Variants in WWTR1 observed in about 807,000 individuals in gnomAD.
WWTR1 encodes the protein WW domain containing transcription regulator 1.
A neutral mutation model predicts 40.1 loss-of-function variants in WWTR1; 13 were observed. The ratio of observed to expected loss-of-function variants is 0.32; its 90% CI spans 0.21 to 0.52. WWTR1 has a LOEUF of 0.52. WWTR1 is among the 20% of genes least tolerant of loss of function. The pLI is 0.97. For missense variants in WWTR1, 436 were observed against 523.1 expected (o/e 0.83, Z 1.63); for synonymous variants, 230 against 210.1 (o/e 1.09, Z -0.82).
At chr3:149,629,695 CTG>C (rs1183959246) in intron 2 of WWTR1, among the ~76,000 whole-genome samples, 1 of 152,148 alleles carries the variant, frequency 6.6e-6, no homozygotes, top group African/African-American at 2.4e-5. Context: ...TTAAAAATCC[CTG>C]TAAGTTTTAA....
At chr3:149,626,430 A>G (rs1365084344) in intron 2 of WWTR1, among the ~76,000 whole-genome samples, 1 of 152,068 alleles carries the variant, frequency 6.6e-6, no homozygotes, top group African/African-American at 2.4e-5. Flanking sequence ...CAATATATAA[A>G]ACCAAGCTAA....
upstream of WWTR1, among the ~76,000 whole-genome samples, chr3:149,659,132 G>A (rs1347443235): frequency 1.3e-5 from 2 of 152,146 alleles, no homozygotes; most frequent in Non-Finnish European, 2.9e-5. Context: ...CTCCACTGAG[G>A]GGAAAGGGTG....
chr3:149,662,491 C>T (rs1175776926), upstream of WWTR1, among the ~76,000 whole-genome samples: 1 of 152,202 alleles, frequency 6.6e-6, no homozygotes, highest in Non-Finnish European at 1.5e-5. Context: ...TCATCCCTTT[C>T]TCTTCCCTCT....
At chr3:149,592,562 G>A (rs1401710857) in intron 2 of WWTR1, among the ~76,000 whole-genome samples, 2 of 152,130 alleles carry the variant, frequency 1.3e-5, no homozygotes, top group African/African-American at 4.8e-5. Context: ...AGATTAGAGA[G>A]ATTAATCGGC....
At chr3:149,635,376 G>A (rs920314505) in intron 2 of WWTR1, among the ~76,000 whole-genome samples, 3 of 152,214 alleles carry the variant, frequency 2.0e-5, no homozygotes, top group Non-Finnish European at 4.4e-5. Context: ...CTAGGAAAAC[G>A]GGTAAATAAA....
chr3:149,529,396 T>C lies in WWTR1; in HGVS notation c.772-1427A>G, dbSNP rs528032540. ...GAGTTGGTTGCACTGTTACAAACCATGAGAGACCTGATTGATTTAAAAAAA... is the reference window on the plus strand; with the variant it reads ...GAGTTGGTTGCACTGTTACAAACCACGAGAGACCTGATTGATTTAAAAAAA... On this transcript the variant is annotated intron_variant, in intron 4 of 6. Coordinates refer to ENST00000360632, the MANE Select transcript of WWTR1 (RefSeq NM_015472.6). 2.5e-4 allele frequency among the ~76,000 whole-genome samples: 38 copies of C among 152,246 alleles called. No individual in the cohort carries two copies. The South Asian group carries it at 7.9e-3, about 32-fold the overall frequency.
At chr3:149,594,381 G>T (rs540923385) in intron 2 of WWTR1, among the ~76,000 whole-genome samples, 1 of 151,778 alleles carries the variant, frequency 6.6e-6, no homozygotes, top group Non-Finnish European at 1.5e-5. Context: ...TGAGCAAGCC[G>T]ATGTAAAAAA....
chr3:149,548,619 G>A (rs1402560782), intron 3 of WWTR1, among the ~76,000 whole-genome samples: 11 of 152,234 alleles, frequency 7.2e-5, no homozygotes, highest in Non-Finnish European at 1.5e-5. Context: ...CTGGCGCCCA[G>A]TGGCTAGAAG....
At chr3:149,722,569 A>T (rs1234285684) in intron 4 of WWTR1, among the ~76,000 whole-genome samples, 2 of 152,124 alleles carry the variant, frequency 1.3e-5, no homozygotes, top group African/African-American at 4.8e-5. Context: ...TGAATTTTCC[A>T]AATACTTAGG....
chr3:149,561,899 G>C (rs1300009680), intron 3 of WWTR1, among the ~76,000 whole-genome samples: 1 of 152,180 alleles, frequency 6.6e-6, no homozygotes, highest in Non-Finnish European at 1.5e-5. Flanking sequence ...TGGTGGGAAG[G>C]AGACCTAATT....
At chr3:149,645,215 G>C (rs1306144417) in intron 2 of WWTR1, among the ~76,000 whole-genome samples, 1 of 152,166 alleles carries the variant, frequency 6.6e-6, no homozygotes, top group South Asian at 2.1e-4. Context: ...GAGTCACTGG[G>C]ACTACAGGTG....
chr3:149,575,620 C>T (rs892771686), intron 2 of WWTR1, among the ~76,000 whole-genome samples: 24 of 152,194 alleles, frequency 1.6e-4, no homozygotes, highest in African/African-American at 5.6e-4. Context: ...CTTCCGTGGT[C>T]AGAATTTCAG....
intron 2 of WWTR1, among the ~76,000 whole-genome samples, chr3:149,636,966 GAAAAAAAAAAAAAA>G (rs397950107): frequency 4.6e-5 from 2 of 43,308 alleles, no homozygotes; most frequent in East Asian, 8.3e-4. Flanking sequence ...TGTCTCAAGT[GAAAAAAAAAAAAAA>G]AAAAAAAAAA....
Position 149,573,829 on chromosome 3 carries a change from G to A in WWTR1, c.432-829C>T, listed in dbSNP as rs142785662. ...GTTTCCAGTACATTCTAAGAAAGGT[G>A]GACATGGCCTCCAGCTTTGCCTACC... On this transcript the variant is annotated intron_variant, in intron 2 of 6. Transcript: ENST00000360632. 2.0e-3 allele frequency among the ~76,000 whole-genome samples: 305 copies of A among 152,166 alleles called. 2 individuals are homozygous for A. Among genetic ancestry groups the A allele is most frequent in the African/African-American group, 7.2e-3 (297 of 41,524 alleles).
intron 2 of WWTR1, among the ~76,000 whole-genome samples, chr3:149,602,538 G>A (rs116470871): frequency 0.026 from 3,933 of 152,214 alleles, 63 homozygotes; most frequent in Middle Eastern, 0.061. Flanking sequence ...ATCTCAACAG[G>A]AACTGAAACT....
At chr3:149,537,983 G>A (rs1013921143) in intron 4 of WWTR1, among the ~76,000 whole-genome samples, 1 of 151,160 alleles carries the variant, frequency 6.6e-6, no homozygotes, top group Non-Finnish European at 1.5e-5. Flanking sequence ...GCAGTGGCTC[G>A]ATCTCAGCTC....
chr3:149,699,882 C>A (rs1715117893), intron 1 of WWTR1, among the ~76,000 whole-genome samples: 1 of 152,192 alleles, frequency 6.6e-6, no homozygotes, highest in African/African-American at 2.4e-5. Context: ...AGTTCCAAAG[C>A]CATTTCTACA....
chr3:149,525,430 T>C (rs1402902228), intron 6 of WWTR1, among the ~76,000 whole-genome samples: 2 of 151,648 alleles, frequency 1.3e-5, no homozygotes, highest in African/African-American at 4.9e-5. Flanking sequence ...GAAGGGACTA[T>C]ATGGAGCAAA....
At chr3:149,706,483 T>C (rs772803263), upstream of WWTR1, among the ~76,000 whole-genome samples, 1 of 151,722 alleles carries the variant, frequency 6.6e-6, no homozygotes, top group Non-Finnish European at 1.5e-5. Context: ...CACGCCCGGC[T>C]AATTTTGTAT....
Sources: gnomAD v4.1 joint callset for allele counts (sites outside exome capture counted in the v4.1 genomes callset) on GRCh38, gnomAD v4.1.1 for gene constraint, MANE v1.5 for transcripts, NCBI Gene and HGNC (gene_info 2026-07-23, HGNC 2026-07-21) for gene names.